Variants in ATP10B observed in about 807,000 individuals in gnomAD.
ATP10B encodes ATPase phospholipid transporting 10B (putative), also known as phospholipid-transporting ATPase VB.
In ATP10B, 122 loss-of-function variants were observed where a neutral mutation model predicts 141.2. The observed-to-expected ratio is 0.86, with a 90% CI of 0.75 to 1.00. ATP10B has a LOEUF of 1.00. Ranked by LOEUF, ATP10B falls within the 50% of genes least tolerant of loss-of-function variation. ATP10B has a pLI of 0.00. For synonymous variants in ATP10B, 685 were observed against 692.0 expected, an observed-to-expected ratio of 0.99 and a Z score of 0.16; for missense variants, 1,876 against 1,825.3, an observed-to-expected ratio of 1.03 and a Z score of -0.51.
chr5:160,593,750 A>T (rs998831155), intron 22 of ATP10B, among the ~76,000 whole-genome samples: 2 of 152,226 alleles, frequency 1.3e-5, no homozygotes, highest in Admixed American at 1.3e-4. Flanking sequence ...AGGCTCGAGA[A>T]CTACGTGAAG....
the ATP10B span, among the ~76,000 whole-genome samples, chr5:160,888,722 T>C: frequency 6.6e-6 from 1 of 152,226 alleles, no homozygotes; most frequent in Non-Finnish European, 1.5e-5. Flanking sequence ...ATGTTTTCCA[T>C]TCCGGTGGTT....
chr5:160,607,762 G>T (rs1757477741), intron 18 of ATP10B, among the ~76,000 whole-genome samples: 1 of 152,104 alleles, frequency 6.6e-6, no homozygotes, highest in African/African-American at 2.4e-5. Context: ...TTTTTTTCTG[G>T]TGTTTGCCTT....
chr5:160,890,887 G>T, the ATP10B span, among the ~76,000 whole-genome samples: 1 of 152,070 alleles, frequency 6.6e-6, no homozygotes, highest in Non-Finnish European at 1.5e-5. Flanking sequence ...TGTTTTTTAT[G>T]TTTTGTAGAG....
At chr5:160,684,253 A>T (rs1405452472) in intron 6 of ATP10B, among the ~76,000 whole-genome samples, 1 of 152,192 alleles carries the variant, frequency 6.6e-6, no homozygotes, top group Non-Finnish European at 1.5e-5. Flanking sequence ...GCATTTACTG[A>T]GCATTTGTTG....
In ATP10B at chr5:160,615,963, A is replaced by G; in HGVS notation, c.2528T>C (p.Val843Ala). 6.2e-7 allele frequency: 1 copy of G among 1,611,696 alleles called. No individual in the cohort carries two copies. The highest frequency in any genetic ancestry group is 8.5e-7 in the Non-Finnish European group (1 of 1,178,156). ...GLRTLCIAKK[V>A]VSEEDFRRWA... ...TCTCCGGAAGTCCTCTTCGCTTACAACCTATGGGATGGGAAAAGGCTCCTT... is the reference window on the plus strand; with the variant it reads ...TCTCCGGAAGTCCTCTTCGCTTACAGCCTATGGGATGGGAAAAGGCTCCTT... The change falls in exon 17 of 26, where the codon GTT (valine) becomes GCT (alanine). Residue 843 changes from valine to alanine, a missense_variant and splice_region_variant. Coordinates refer to ENST00000327245, the MANE Select transcript of ATP10B (RefSeq NM_025153.3).
intron 2 of ATP10B, among the ~76,000 whole-genome samples, chr5:160,753,217 C>T (rs942236258): frequency 2.6e-5 from 4 of 152,154 alleles, no homozygotes; most frequent in African/African-American, 9.7e-5. Flanking sequence ...AGTGAGGAAA[C>T]GTCGTTCCTC....
chr5:160,576,237 C>T (rs997824305), intron 24 of ATP10B, among the ~76,000 whole-genome samples: 1 of 152,138 alleles, frequency 6.6e-6, no homozygotes, highest in African/African-American at 2.4e-5. Context: ...AGAAGAGTTA[C>T]TGTGAGTGTC....
chr5:160,583,011 A>G (rs145377992), intron 24 of ATP10B, among the ~76,000 whole-genome samples: 1 of 152,102 alleles, frequency 6.6e-6, no homozygotes, highest in Non-Finnish European at 1.5e-5. Flanking sequence ...GCTTCCTTGC[A>G]TTGCATTAGA....
intron 1 of ATP10B, among the ~76,000 whole-genome samples, chr5:160,836,068 T>TG (rs1435828470): frequency 3.3e-5 from 5 of 151,508 alleles, no homozygotes; most frequent in Non-Finnish European, 7.4e-5. Context: ...GGACATAGAG[T>TG]GGGGAATGAT....
chr5:160,835,728 T>A (rs998223551), intron 1 of ATP10B, among the ~76,000 whole-genome samples: 2 of 152,168 alleles, frequency 1.3e-5, no homozygotes, highest in South Asian at 4.1e-4. Context: ...AGGAGGCAAG[T>A]TAGGCATGGC....
chr5:160,602,866 C>T, intron 20 of ATP10B, 164 bp from the exon 21 acceptor site: 1 of 806,738 alleles, frequency 1.2e-6, no homozygotes, highest in East Asian at 3.0e-5. Context: ...GACACCCCAC[C>T]CTCCCTTCTG....
intron 2 of ATP10B, among the ~76,000 whole-genome samples, chr5:160,783,446 C>CATATATATATATAT (rs368913170): frequency 8.3e-6 from 1 of 120,582 alleles, no homozygotes; most frequent in African/African-American, 3.1e-5. Flanking sequence ...ATATCCATCA[C>CATATATATATATAT]ATATATATAT....
chr5:160,592,682 G>A (rs1404555224), intron 22 of ATP10B, among the ~76,000 whole-genome samples: 1 of 152,230 alleles, frequency 6.6e-6, no homozygotes, highest in Non-Finnish European at 1.5e-5. Context: ...GTGACAGATG[G>A]CACCTGGAAA....
intron 7 of ATP10B, among the ~76,000 whole-genome samples, chr5:160,650,918 G>T (rs1234014497): frequency 6.6e-6 from 1 of 152,030 alleles, no homozygotes; most frequent in Non-Finnish European, 1.5e-5. Flanking sequence ...CCCTCAGTTT[G>T]GTCCAGGAGC....
intron 1 of ATP10B, among the ~76,000 whole-genome samples, chr5:160,811,645 T>C (rs1444825757): frequency 1.3e-5 from 2 of 152,240 alleles, no homozygotes; most frequent in East Asian, 1.9e-4. Flanking sequence ...AAGTACTGTG[T>C]CCCATGGTTT....
chr5:160,570,248 T>G (rs1243611588), intron 24 of ATP10B, among the ~76,000 whole-genome samples: 2 of 152,210 alleles, frequency 1.3e-5, no homozygotes, highest in Non-Finnish European at 2.9e-5. Flanking sequence ...TATATTCATA[T>G]ATAATTAGGG....
chr5:160,626,858 T>C (rs1000852854), intron 13 of ATP10B, among the ~76,000 whole-genome samples: 13 of 152,190 alleles, frequency 8.5e-5, no homozygotes, highest in Non-Finnish European at 1.9e-4. Flanking sequence ...TACTCTGCTA[T>C]TCTTCTTTCA....
chr5:160,643,988 A>G (rs1020428242), intron 9 of ATP10B, 150 bp downstream of exon 9: 4 of 642,214 alleles, frequency 6.2e-6, no homozygotes, highest in Non-Finnish European at 1.1e-5. Context: ...TGTGATTCCC[A>G]GCCTCCGTTT....
Position 160,840,728 on chromosome 5 carries a change from A to C in ATP10B, c.-576+11213T>G, listed in dbSNP as rs186272167. ...TGGCAAAAATACCAGAAGCAAAGTC[A>C]AAAGACAAATGACAAACTGGAAAAG... is the stretch of plus-strand genomic sequence containing the variant. On this transcript the variant is annotated intron_variant, in intron 1 of 25. Coordinates refer to ENST00000327245, the MANE Select transcript of ATP10B (RefSeq NM_025153.3). Among the ~76,000 whole-genome samples, 602 of 152,330 alleles carry C rather than the reference A, an allele frequency of 4.0e-3. 4 individuals carry two copies. Among genetic ancestry groups the C allele is most frequent in the African/African-American group, 0.014 (568 of 41,594 alleles).
Sources: allele counts gnomAD v4.1 joint callset (sites outside exome capture counted in the v4.1 genomes callset), GRCh38; gene constraint gnomAD v4.1.1; transcripts MANE v1.5; gene names NCBI Gene and HGNC (gene_info 2026-07-23, HGNC 2026-07-21).